Variants in CFAP58 observed in about 807,000 individuals in gnomAD.
CFAP58 encodes cilia- and flagella-associated protein 58.
Under a neutral mutation model 119.5 loss-of-function variants are expected in CFAP58, and 88 were observed. The observed-to-expected ratio is 0.74, with a 90% CI of 0.62 to 0.88. CFAP58 has a LOEUF of 0.88. CFAP58 is among the 40% of genes least tolerant of loss of function. The pLI, the probability that CFAP58 is intolerant of heterozygous loss-of-function variation, is 0.00. For missense variants in CFAP58, 990 were observed against 1,021.2 expected (o/e 0.97, Z 0.42); for synonymous variants, 365 against 366.3 (o/e 1.00, Z 0.04).
Position 104,410,440 on chromosome 10 carries a change from T to C in CFAP58, c.2256+3647T>C, listed in dbSNP as rs367988448. On this transcript the variant is annotated intron_variant, in intron 15 of 17. Transcript: ENST00000369704. ...CATAGTTCTTTAACCAATAGATTTT[T>C]CAATGGTTAACACTCTCCTTTGCTT... is the stretch of plus-strand genomic sequence containing the variant. 4.1e-4 allele frequency among the ~76,000 whole-genome samples: 62 copies of C among 152,368 alleles called. 1 individual carries two copies. The highest frequency in any genetic ancestry group is 1.4e-3 in the African/African-American group (60 of 41,586).
chr10:104,348,991 A>T (rs1439758024), upstream of CFAP58, among the ~76,000 whole-genome samples: 1 of 152,208 alleles, frequency 6.6e-6, no homozygotes, highest in East Asian at 1.9e-4. Flanking sequence ...TCACACCTGT[A>T]ATCCCAGCAT....
intron 15 of CFAP58, among the ~76,000 whole-genome samples, chr10:104,410,972 C>A (rs1485686990): frequency 6.6e-6 from 1 of 152,054 alleles, no homozygotes; most frequent in Non-Finnish European, 1.5e-5. Flanking sequence ...TGGAGTCTCA[C>A]TGTGTCACCC....
In CFAP58 at chr10:104,357,833, ATG is replaced by A. The variant is rs1192907260; in HGVS notation, c.10-506_10-505del. 1.6e-4 allele frequency among the ~76,000 whole-genome samples: 19 copies of A among 122,544 alleles called. 1 individual carries two copies. The highest frequency in any genetic ancestry group is 2.8e-4 in the South Asian group (1 of 3,584). 80.4% of individuals were successfully genotyped at this position (122,544 alleles called of 152,430 possible). The stretch of plus-strand genomic sequence containing the variant: ...TATATATGTACATATATACACATAT[ATG>A]TACACATATGTACACATATATACAC... On this transcript the variant is annotated intron_variant, in intron 1 of 17. Coordinates refer to ENST00000369704, the MANE Select transcript of CFAP58 (RefSeq NM_001008723.2).
intron 15 of CFAP58, among the ~76,000 whole-genome samples, chr10:104,443,067 C>T (rs565519220): frequency 6.6e-6 from 1 of 152,164 alleles, no homozygotes; most frequent in East Asian, 1.9e-4. Flanking sequence ...GAGAGCACAA[C>T]AGCAGGTGCG....
At chr10:104,447,657 C>T (rs375518610) in intron 15 of CFAP58, 41 bp from the exon 16 acceptor site, 34 of 1,605,724 alleles carry the variant, frequency 2.1e-5, no homozygotes, top group South Asian at 5.6e-5. Flanking sequence ...CCTGTTTTGA[C>T]GGGGCTGTTT....
intron 1 of CFAP58, among the ~76,000 whole-genome samples, chr10:104,357,862 T>TATATGTACAC (rs1564875644): frequency 8.1e-6 from 1 of 124,072 alleles, no homozygotes; most frequent in African/African-American, 3.3e-5. Flanking sequence ...TATATACACA[T>TATATGTACAC]ATATACACAT....
intron 7 of CFAP58, among the ~76,000 whole-genome samples, chr10:104,373,295 A>T (rs2133000676): frequency 6.6e-6 from 1 of 152,250 alleles, no homozygotes; most frequent in East Asian, 1.9e-4. Context: ...TAAAAATATA[A>T]ATCTGTCCAA....
In CFAP58 at chr10:104,374,014, A is replaced by G. The variant is rs551650125; in HGVS notation, c.1091-2797A>G. 2.4e-4 allele frequency among the ~76,000 whole-genome samples: 36 copies of G among 152,358 alleles called. 1 individual carries two copies. The highest frequency in any genetic ancestry group is 7.9e-4 in the African/African-American group (33 of 41,578). On this transcript the variant is annotated intron_variant, in intron 7 of 17. Coordinates refer to ENST00000369704, the MANE Select transcript of CFAP58 (RefSeq NM_001008723.2). ...AGCTTCTGCTTTTGGGGAAAAAGTCAATACCAAATGTTGAAACCATAAAGC... is the reference window on the plus strand; with the variant it reads ...AGCTTCTGCTTTTGGGGAAAAAGTCGATACCAAATGTTGAAACCATAAAGC...
Position 104,451,437 on chromosome 10 carries a change from G to A in CFAP58, c.2510+1233G>A, listed in dbSNP as rs144905714. On this transcript the variant is annotated intron_variant, in intron 17 of 17. Transcript: ENST00000369704. ...GGTCTACCAGCTATCTGTCTGGTTC[G>A]GAATCACTAGTGAGATTTATTAAAC... Among the ~76,000 whole-genome samples, 150 of 151,894 alleles carry A rather than the reference G, an allele frequency of 9.9e-4. 1 individual carries two copies. The highest frequency in any genetic ancestry group is 3.5e-3 in the African/African-American group (145 of 41,382).
At chr10:104,344,332 A>T in the CFAP58 span, among the ~76,000 whole-genome samples, 1 of 152,230 alleles carries the variant, frequency 6.6e-6, no homozygotes, top group Non-Finnish European at 1.5e-5. Flanking sequence ...ATATTTCAGC[A>T]CCTAATCTAT....
chr10:104,398,241 T>A (rs890044929), intron 11 of CFAP58, among the ~76,000 whole-genome samples: 3 of 152,242 alleles, frequency 2.0e-5, no homozygotes, highest in African/African-American at 7.2e-5. Flanking sequence ...TCATCTTCAA[T>A]GGATGGCGAA....
At chr10:104,403,511 C>CTTT (rs572839157) in intron 13 of CFAP58, among the ~76,000 whole-genome samples, 18,050 of 132,916 alleles carry the variant, frequency 0.14, 1,385 homozygotes, top group Middle Eastern at 0.27. Flanking sequence ...AGCCCTGGCA[C>CTTT]TTTTTTTTTT....
chr10:104,367,813 G>C (rs2014772029), intron 5 of CFAP58, among the ~76,000 whole-genome samples: 1 of 152,108 alleles, frequency 6.6e-6, no homozygotes, highest in South Asian at 2.1e-4. Flanking sequence ...ATAATCCTTT[G>C]TTTTTATAAA....
intron 15 of CFAP58, among the ~76,000 whole-genome samples, chr10:104,420,642 A>C (rs1392019362): frequency 6.6e-6 from 1 of 152,208 alleles, no homozygotes; most frequent in East Asian, 1.9e-4. Context: ...AACTAAAATA[A>C]AAGTTAAAAA....
intron 1 of CFAP58, 108 bp downstream of exon 1, chr10:104,354,014 ATC>A (rs1450299396): frequency 5.8e-6 from 8 of 1,381,988 alleles, no homozygotes; most frequent in Non-Finnish European, 7.1e-6. Flanking sequence ...CCCCATCAAC[ATC>A]TTATTCCCCT....
At chr10:104,400,052 C>A (rs1281719406) in intron 12 of CFAP58, among the ~76,000 whole-genome samples, 5 of 152,120 alleles carry the variant, frequency 3.3e-5, no homozygotes, top group Admixed American at 3.3e-4. Flanking sequence ...GCTAGCCCAC[C>A]ATGAAGTCAT....
the CFAP58 span, among the ~76,000 whole-genome samples, chr10:104,346,580 A>G: frequency 1.2e-4 from 16 of 138,044 alleles, no homozygotes; most frequent in Non-Finnish European, 9.4e-5. Context: ...TTATTTACCC[A>G]CTCATTTATT....
chr10:104,451,138 G>T (rs1482076457), intron 17 of CFAP58, among the ~76,000 whole-genome samples: 1 of 152,172 alleles, frequency 6.6e-6, no homozygotes, highest in Non-Finnish European at 1.5e-5. Context: ...AAATCATCCA[G>T]TTAATCTTGT....
intron 1 of CFAP58, among the ~76,000 whole-genome samples, chr10:104,357,876 T>C (rs897731016): frequency 2.6e-5 from 3 of 113,566 alleles, no homozygotes; most frequent in Admixed American, 8.3e-5. Flanking sequence ...TACACATATA[T>C]GTACACATAT....
Sources: allele counts gnomAD v4.1 joint callset (sites outside exome capture counted in the v4.1 genomes callset), GRCh38; gene constraint gnomAD v4.1.1; transcripts MANE v1.5; gene names NCBI Gene and HGNC (gene_info 2026-07-23, HGNC 2026-07-21).